TMEM163: variants seen among roughly 807,000 people sequenced by gnomAD.
The protein encoded by TMEM163 is transmembrane protein 163.
Under a neutral mutation model 29.3 loss-of-function variants are expected in TMEM163, and 17 were observed. That is an observed-to-expected ratio of 0.58 (90% CI 0.40 to 0.87). TMEM163 has a LOEUF of 0.87. Ranked by LOEUF, TMEM163 falls within the 40% of genes least tolerant of loss-of-function variation. The pLI is 0.00. For synonymous variants in TMEM163, 157 were observed against 160.6 expected (o/e 0.98, Z 0.17); for missense variants, 303 against 381.5 (o/e 0.79, Z 1.71).
At chr2:134,673,369 T>G (rs1447902592) in intron 2 of TMEM163, among the ~76,000 whole-genome samples, 2 of 152,100 alleles carry the variant, frequency 1.3e-5, no homozygotes, top group Non-Finnish European at 2.9e-5. Flanking sequence ...CTTTCATGAG[T>G]TCCCACTCCC....
intron 2 of TMEM163, among the ~76,000 whole-genome samples, chr2:134,693,608 CAAAAAAAAAAA>C (rs35183610): frequency 3.0e-5 from 2 of 66,632 alleles, no homozygotes; most frequent in Non-Finnish European, 8.1e-5. Context: ...AAAACTACAT[CAAAAAAAAAAA>C]AAAAAAAAAA....
chr2:134,662,414 A>G (rs1188778310), intron 2 of TMEM163, among the ~76,000 whole-genome samples: 1 of 152,200 alleles, frequency 6.6e-6, no homozygotes, highest in Non-Finnish European at 1.5e-5. Flanking sequence ...GCTCATGGGT[A>G]CCTTCAGATA....
intron 2 of TMEM163, among the ~76,000 whole-genome samples, chr2:134,591,908 T>TA (rs74672779): frequency 0.58 from 82,139 of 142,456 alleles, 23,837 homozygotes; most frequent in Non-Finnish European, 0.64. Context: ...CAGTGTTGAT[T>TA]AAAAAAAAAA....
chr2:134,458,255 T>G, intron 6 of TMEM163, 82 bp from the exon 7 acceptor site: 1 of 1,541,708 alleles, frequency 6.5e-7, no homozygotes, highest in Non-Finnish European at 8.9e-7. Context: ...TGCCTCCACG[T>G]AACTGGAGCA....
intron 4 of TMEM163, among the ~76,000 whole-genome samples, chr2:134,530,471 C>T (rs1680394443): frequency 6.6e-6 from 1 of 152,096 alleles, no homozygotes; most frequent in South Asian, 2.1e-4. Context: ...GAGACAGGGT[C>T]TCACTGTGTT....
At chr2:134,516,233 G>A (rs1680053528) in intron 4 of TMEM163, among the ~76,000 whole-genome samples, 1 of 152,136 alleles carries the variant, frequency 6.6e-6, no homozygotes, top group Admixed American at 6.5e-5. Flanking sequence ...GGTCATCCAA[G>A]ATGATATTAA....
Position 134,718,730 on chromosome 2 carries a change from T to C in TMEM163, c.202+4A>G. The C allele has an allele frequency of 8.7e-7, 1 of 1,153,958 alleles. No homozygotes were observed. Among genetic ancestry groups the C allele is most frequent in the Non-Finnish European group, 1.1e-6 (1 of 937,754 alleles). 71.5% of individuals were successfully genotyped at this position (1,153,958 alleles called of 1,614,324 possible). A position where few individuals can be genotyped will look rare whatever the true frequency, so the allele number is the denominator to read the frequency against. The stretch of plus-strand genomic sequence containing the variant: ...GCCGGCCGGGTCGGGCAGCTCGCGC[T>C]CACCTCGGTCCTCCAGCCCGTCGCT... On this transcript the variant is annotated splice_donor_region_variant and intron_variant, in intron 1 of 7. Coordinates refer to ENST00000281924, the MANE Select transcript of TMEM163 (RefSeq NM_030923.5).
chr2:134,617,793 G>C (rs1443325496), intron 2 of TMEM163, among the ~76,000 whole-genome samples: 1 of 152,020 alleles, frequency 6.6e-6, no homozygotes, highest in African/African-American at 2.4e-5. Context: ...ACAATCAAAA[G>C]AAGAGATGGT....
At chr2:134,642,889 T>G (rs1275987878) in intron 2 of TMEM163, among the ~76,000 whole-genome samples, 3 of 152,078 alleles carry the variant, frequency 2.0e-5, no homozygotes, top group African/African-American at 7.2e-5. Context: ...GTTAGATCAT[T>G]AAATGCTTAT....
chr2:134,465,083 G>A (rs1330196424), intron 6 of TMEM163, among the ~76,000 whole-genome samples: 1 of 151,676 alleles, frequency 6.6e-6, no homozygotes, highest in Non-Finnish European at 1.5e-5. Context: ...CGGGCACGGT[G>A]GCTCACACCT....
At chr2:134,566,896 T>C (rs192291722) in intron 2 of TMEM163, among the ~76,000 whole-genome samples, 2 of 152,298 alleles carry the variant, frequency 1.3e-5, no homozygotes, top group East Asian at 1.9e-4. Context: ...AAAAGATAGA[T>C]GTGTAACGCT....
intron 2 of TMEM163, among the ~76,000 whole-genome samples, chr2:134,571,539 G>T (rs74863860): frequency 0.02 from 3,077 of 152,170 alleles, 48 homozygotes; most frequent in African/African-American, 0.041. Flanking sequence ...CCTATATTAG[G>T]GGTCCCCAAG....
At chr2:134,689,107 TTTG>T (rs1283055246) in intron 2 of TMEM163, among the ~76,000 whole-genome samples, 1 of 144,696 alleles carries the variant, frequency 6.9e-6, no homozygotes, top group African/African-American at 2.7e-5. Context: ...AGTTTTTTGT[TTTG>T]TTTTTTTTTT....
chr2:134,509,824 C>T (rs1007709502), intron 4 of TMEM163, among the ~76,000 whole-genome samples: 17 of 152,146 alleles, frequency 1.1e-4, no homozygotes, highest in Admixed American at 3.3e-4. Flanking sequence ...CAGGAAGAAA[C>T]GATGGCTCTG....
chr2:134,520,442 T>C (rs1680168483), intron 4 of TMEM163, among the ~76,000 whole-genome samples: 1 of 152,242 alleles, frequency 6.6e-6, no homozygotes, highest in South Asian at 2.1e-4. Context: ...TAGCAGGGTA[T>C]GACCTCAGGT....
At chr2:134,630,529 A>G (rs1351613934) in intron 2 of TMEM163, among the ~76,000 whole-genome samples, 1 of 152,200 alleles carries the variant, frequency 6.6e-6, no homozygotes, top group Non-Finnish European at 1.5e-5. Context: ...TAGAATGGGA[A>G]AGAAAGACCT....
chr2:134,634,705 AT>A (rs1473286501), intron 2 of TMEM163, among the ~76,000 whole-genome samples: 2 of 152,252 alleles, frequency 1.3e-5, no homozygotes, highest in African/African-American at 4.8e-5. Flanking sequence ...GACAGTAGAT[AT>A]TTTAGGCTTT....
At chr2:134,603,506 CA>C (rs1457263469) in intron 2 of TMEM163, among the ~76,000 whole-genome samples, 1 of 152,162 alleles carries the variant, frequency 6.6e-6, no homozygotes, top group Non-Finnish European at 1.5e-5. Context: ...GATAACAAGA[CA>C]CACACCCACT....
At chr2:134,656,368 C>T (rs578102074) in intron 2 of TMEM163, among the ~76,000 whole-genome samples, 3 of 151,816 alleles carry the variant, frequency 2.0e-5, no homozygotes, top group Non-Finnish European at 2.9e-5. Flanking sequence ...TGACCCCTCG[C>T]GCTTCCCAGG....
Sources: allele counts gnomAD v4.1 joint callset (sites outside exome capture counted in the v4.1 genomes callset), GRCh38; gene constraint gnomAD v4.1.1; transcripts MANE v1.5; gene names NCBI Gene and HGNC (gene_info 2026-07-23, HGNC 2026-07-21).